Variants in EFL1 observed in about 807,000 individuals in gnomAD.
EFL1 encodes elongation factor like GTPase 1.
EFL1 carries 76 observed loss-of-function variants against 126.7 expected under a neutral mutation model. That is an observed-to-expected ratio of 0.60 (90% CI 0.50 to 0.73). The LOEUF is 0.73. Among genes scored for constraint, EFL1 ranks in the 30% least tolerant of loss-of-function variants. The probability of loss-of-function intolerance (pLI) is 0.00; values close to 1 mark genes in which losing one functional copy is unlikely to be tolerated. For synonymous variants in EFL1, 410 were observed against 448.4 expected (o/e 0.91, Z 1.08); for missense variants, 1,128 against 1,343.2 (o/e 0.84, Z 2.50).
At chr15:82,135,716 G>T (rs867437458) in intron 19 of EFL1, among the ~76,000 whole-genome samples, 4 of 152,168 alleles carry the variant, frequency 2.6e-5, no homozygotes, top group Admixed American at 1.3e-4. Context: ...TGTTAGATGT[G>T]GTCAGATGAC....
At chr15:82,253,587 T>C (rs1269655194) in intron 3 of EFL1, among the ~76,000 whole-genome samples, 1 of 152,122 alleles carries the variant, frequency 6.6e-6, no homozygotes, top group Non-Finnish European at 1.5e-5. Context: ...AGCCATTCTT[T>C]TCCTATTTAT....
chr15:82,239,780 T>G (rs1456263068), intron 6 of EFL1, among the ~76,000 whole-genome samples: 1 of 152,236 alleles, frequency 6.6e-6, no homozygotes, highest in East Asian at 1.9e-4. Flanking sequence ...GTCCTTTTCC[T>G]GTCTACCTGG....
At chr15:82,174,774 C>T (rs548440793) in intron 15 of EFL1, among the ~76,000 whole-genome samples, 28 of 152,294 alleles carry the variant, frequency 1.8e-4, no homozygotes, top group East Asian at 1.9e-4. Context: ...CACAGGCCAC[C>T]GTGGAATTAT....
chr15:82,228,060 C>T (rs2074782707), intron 10 of EFL1, 131 bp downstream of exon 10: 15 of 1,137,120 alleles, frequency 1.3e-5, no homozygotes, highest in Non-Finnish European at 1.7e-5. Flanking sequence ...CATGGTAGAA[C>T]ACTAAATAAG....
Position 82,230,969 on chromosome 15 carries a change from A to G in EFL1, c.734T>C (p.Ile245Thr). The change falls in exon 8 of 20, where the codon ATT becomes ACT. Residue 245 changes from isoleucine to threonine, a missense_variant and splice_region_variant. Ile to Thr is a moderately conservative substitution (Grantham distance 89, BLOSUM62 -1). This residue lies in a region of EFL1 where 316 missense variants were observed against 318.5 expected (regional missense o/e 0.99). Coordinates refer to ENST00000268206, the MANE Select transcript of EFL1 (RefSeq NM_024580.6). Reference protein sequence around the residue: ...TSAIDGWGFGIEHFARIYSQK... With the variant: ...TSAIDGWGFGTEHFARIYSQK... ...ACTGTAGATTCTGGCGAAGTGCTCAATTCTGAAAGAAGACCAAATGTTCAT... is the reference window on the plus strand; with the variant it reads ...ACTGTAGATTCTGGCGAAGTGCTCAGTTCTGAAAGAAGACCAAATGTTCAT... The G allele has an allele frequency of 1.2e-6, 2 of 1,610,660 alleles. No homozygotes were observed. Among genetic ancestry groups the G allele is most frequent in the Non-Finnish European group, 1.7e-6 (2 of 1,178,836 alleles).
intron 15 of EFL1, among the ~76,000 whole-genome samples, chr15:82,166,534 G>A (rs1294595554): frequency 6.6e-6 from 1 of 152,154 alleles, no homozygotes; most frequent in Non-Finnish European, 1.5e-5. Flanking sequence ...CCATTAAGAT[G>A]ATCTAGATGA....
At chr15:82,192,417 A>G (rs2074368860) in intron 15 of EFL1, among the ~76,000 whole-genome samples, 1 of 151,688 alleles carries the variant, frequency 6.6e-6, no homozygotes, top group Admixed American at 6.6e-5. Context: ...AAAAAAAAAA[A>G]GAGTAAAAAT....
chr15:82,136,234 G>A (rs1471536938), intron 19 of EFL1, among the ~76,000 whole-genome samples: 1 of 152,122 alleles, frequency 6.6e-6, no homozygotes, highest in Non-Finnish European at 1.5e-5. Context: ...CATTACAACA[G>A]CTCTGAATGC....
intron 15 of EFL1, among the ~76,000 whole-genome samples, chr15:82,210,469 C>T (rs1344245950): frequency 6.6e-6 from 1 of 152,222 alleles, no homozygotes; most frequent in Non-Finnish European, 1.5e-5. Flanking sequence ...GTTCTACTCC[C>T]AAACAAGGTT....
chr15:82,173,696 T>G (rs1427738709), intron 15 of EFL1, among the ~76,000 whole-genome samples: 1 of 152,110 alleles, frequency 6.6e-6, no homozygotes, highest in African/African-American at 2.4e-5. Flanking sequence ...CAACTTTAAA[T>G]GCATAAATAA....
At chr15:82,188,947 A>T (rs2074329799) in intron 15 of EFL1, among the ~76,000 whole-genome samples, 1 of 146,118 alleles carries the variant, frequency 6.8e-6, no homozygotes, top group African/African-American at 2.6e-5. Context: ...TCATGCATCC[A>T]ATCATTCTAC....
intron 7 of EFL1, among the ~76,000 whole-genome samples, chr15:82,235,539 A>G (rs1257738823): frequency 6.6e-6 from 1 of 152,170 alleles, no homozygotes; most frequent in Non-Finnish European, 1.5e-5. Flanking sequence ...GACTGGCTCA[A>G]TATTAAAAAA....
chr15:82,177,044 A>T (rs1353294316), intron 15 of EFL1, among the ~76,000 whole-genome samples: 2 of 152,310 alleles, frequency 1.3e-5, no homozygotes, highest in African/African-American at 2.4e-5. Context: ...AAAATCAGGT[A>T]AATCTAATAG....
chr15:82,157,536 AT>A, intron 17 of EFL1, 176 bp downstream of exon 17: 1 of 717,104 alleles, frequency 1.4e-6, no homozygotes, highest in South Asian at 3.5e-5. Context: ...AGTGAATGCC[AT>A]TTTTCAGTTA....
At chr15:82,221,777 A>T (rs1197651542) in intron 12 of EFL1, among the ~76,000 whole-genome samples, 1 of 152,232 alleles carries the variant, frequency 6.6e-6, no homozygotes, top group East Asian at 1.9e-4. Context: ...TCCTCATTAT[A>T]GGAAGCTCTA....
chr15:82,200,922 AC>A (rs2074460909), intron 15 of EFL1, among the ~76,000 whole-genome samples: 1 of 152,286 alleles, frequency 6.6e-6, no homozygotes, highest in African/African-American at 2.4e-5. Flanking sequence ...CCACTCTGTC[AC>A]CCAGGCCAGG....
At chr15:82,201,725 C>CA (rs2074470924) in intron 15 of EFL1, among the ~76,000 whole-genome samples, 2 of 132,202 alleles carry the variant, frequency 1.5e-5, no homozygotes, top group East Asian at 4.6e-4. Context: ...AAAAAGAACT[C>CA]AAACTTTCAC....
chr15:82,260,958 C>T (rs532040329), intron 2 of EFL1, among the ~76,000 whole-genome samples: 13 of 152,280 alleles, frequency 8.5e-5, no homozygotes, highest in African/African-American at 3.1e-4. Context: ...CATGAAGGAG[C>T]GCTATGGAGT....
At chr15:82,137,499 G>A (rs1263348284) in intron 19 of EFL1, among the ~76,000 whole-genome samples, 1 of 152,150 alleles carries the variant, frequency 6.6e-6, no homozygotes, top group Non-Finnish European at 1.5e-5. Context: ...CATCAGCAAG[G>A]GCTGGTCAGC....
Sources: gnomAD v4.1 joint callset for allele counts (sites outside exome capture counted in the v4.1 genomes callset) on GRCh38, gnomAD v4.1.1 for gene constraint, gnomAD v4.1.1 regional missense constraint, MANE v1.5 for transcripts, NCBI Gene and HGNC (gene_info 2026-07-23, HGNC 2026-07-21) for gene names.